The following FAAP20 variants were observed in gnomAD, a reference collection of about 807,000 sequenced individuals.
FAAP20 encodes Fanconi anemia core complex-associated protein 20.
A neutral mutation model predicts 16.2 loss-of-function variants in FAAP20; 12 were observed. That is an observed-to-expected ratio of 0.74 (90% confidence interval 0.48 to 1.20). FAAP20 has a LOEUF of 1.20. Among genes scored for constraint, FAAP20 ranks in the 50% most tolerant of loss-of-function variants. The probability of loss-of-function intolerance (pLI) is 0.00; values close to 1 mark genes in which losing one functional copy is unlikely to be tolerated. For synonymous variants in FAAP20, 141 were observed against 110.7 expected (o/e 1.27, Z -1.72); for missense variants, 288 against 245.8 (o/e 1.17, Z -1.15).
chr1:2,193,557 G>A (rs1301668569), intron 3 of FAAP20, 82 bp downstream of exon 3: 2 of 1,545,088 alleles, frequency 1.3e-6, no homozygotes, highest in African/African-American at 2.8e-5. Context: ...CGCTGAGCTC[G>A]GCCACCTCTT....
At chr1:2,188,250 TCA>T, downstream of FAAP20, among the ~76,000 whole-genome samples, 1 of 152,302 alleles carries the variant, frequency 6.6e-6, no homozygotes, top group South Asian at 2.1e-4. Flanking sequence ...TGTGCTCCAC[TCA>T]CACTGTGAGC....
chr1:2,208,497 G>A (rs1335466913), downstream of FAAP20, among the ~76,000 whole-genome samples: 1 of 152,316 alleles, frequency 6.6e-6, no homozygotes, highest in African/African-American at 2.4e-5. Flanking sequence ...TGCCTGGCCT[G>A]GAGGTGGACC....
downstream of FAAP20, among the ~76,000 whole-genome samples, chr1:2,211,996 A>T (rs530796306): frequency 2.2e-5 from 3 of 138,332 alleles, no homozygotes; most frequent in Admixed American, 2.4e-4. Flanking sequence ...TCCACCTCCC[A>T]GGTTCACACC....
At chr1:2,189,025 A>AC (rs1323161069), downstream of FAAP20, among the ~76,000 whole-genome samples, 9 of 142,672 alleles carry the variant, frequency 6.3e-5, no homozygotes, top group East Asian at 2.1e-4. Flanking sequence ...AAAAAAAAAA[A>AC]AAACAAAAAG....
At chr1:2,207,979 G>C (rs964597596), downstream of FAAP20, among the ~76,000 whole-genome samples, 4 of 151,656 alleles carry the variant, frequency 2.6e-5, no homozygotes, top group South Asian at 6.2e-4. Context: ...CATGCGTGCA[G>C]GCATGTGAGC....
chr1:2,189,628 C>CG lies in FAAP20; in HGVS notation c.*80dup, dbSNP rs1687932602. 3.4e-6 allele frequency: 4 copies of CG among 1,181,980 alleles called. No homozygotes were observed. The South Asian group carries it at 5.0e-5, about 15-fold the overall frequency. The allele number at this position is 1,181,980 out of a possible 1,614,324, so 73.2% of individuals were successfully genotyped here. A position where few individuals can be genotyped will look rare whatever the true frequency, so the allele number is the denominator to read the frequency against. ...GGGAGCCGAGAGGCGGGGCTGCTGG[C>CG]GGGGGAGCCGAGAGGCGGGGCTGCT... On this transcript the variant is annotated 3_prime_UTR_variant, in exon 4 of 4. Transcript: ENST00000378546.
At chr1:2,186,421 C>T (rs145526870), downstream of FAAP20, among the ~76,000 whole-genome samples, 320 of 152,186 alleles carry the variant, frequency 2.1e-3, 1 homozygote, top group South Asian at 6.8e-3. Context: ...ACCCAAGCCC[C>T]AGGTGCCAGG....
chr1:2,210,049 G>A (rs577800223), downstream of FAAP20, among the ~76,000 whole-genome samples: 3 of 152,310 alleles, frequency 2.0e-5, no homozygotes, highest in South Asian at 2.1e-4. Flanking sequence ...GTCCTGAGGG[G>A]AGCTGGGGGA....
chr1:2,188,573 T>A (rs1426640806), downstream of FAAP20, among the ~76,000 whole-genome samples: 2 of 152,250 alleles, frequency 1.3e-5, no homozygotes, highest in Middle Eastern at 3.4e-3. Flanking sequence ...CGCCCCGACC[T>A]CCTGTCCTGG....
upstream of FAAP20, among the ~76,000 whole-genome samples, chr1:2,202,293 G>A (rs910616616): frequency 4.6e-5 from 7 of 152,078 alleles, no homozygotes; most frequent in African/African-American, 1.4e-4. Flanking sequence ...ATGTGCCACC[G>A]GACCCCATCA....
intron 1 of FAAP20, 142 bp from the exon 2 acceptor site, chr1:2,194,275 A>T: frequency 7.0e-6 from 5 of 719,010 alleles, no homozygotes; most frequent in Non-Finnish European, 8.9e-6. Flanking sequence ...GGTGGCCGGC[A>T]GGGTTGGGGG....
intron 3 of FAAP20, chr1:2,192,133 C>A (rs528999351): frequency 1.0e-6 from 1 of 985,538 alleles, no homozygotes; most frequent in South Asian, 4.7e-5. Flanking sequence ...CCAGACCCTC[C>A]AATCCAGGCG....
upstream of FAAP20, chr1:2,199,655 C>A (rs75548669): frequency 5.1e-6 from 5 of 984,512 alleles, no homozygotes; most frequent in East Asian, 5.7e-4. The surrounding 1 kb of genome is among the most constrained non-coding windows in gnomAD (Gnocchi z 4.5). Flanking sequence ...TCCGAAGACT[C>A]ATGTCCACCA....
chr1:2,194,798 C>A, upstream of FAAP20: 2 of 1,038,432 alleles, frequency 1.9e-6, no homozygotes, highest in South Asian at 4.5e-5. Context: ...CCCCGCCCCT[C>A]CAGGCCCCGC....
chr1:2,198,232 C>A (rs1448545802), upstream of FAAP20: 1 of 1,196,988 alleles, frequency 8.4e-7, no homozygotes, highest in East Asian at 5.8e-5. Context: ...TACAAAAGAA[C>A]GTTTCAGCTG....
downstream of FAAP20, chr1:2,187,291 T>TTTTTTTC (rs1553182155): frequency 4.8e-6 from 2 of 413,160 alleles, no homozygotes; most frequent in Non-Finnish European, 9.7e-6. Flanking sequence ...TTTTCTTTTT[T>TTTTTTTC]TTTTTCTTTT....
downstream of FAAP20, chr1:2,185,361 C>T (rs1381247395): frequency 1.4e-6 from 1 of 718,598 alleles, no homozygotes. Flanking sequence ...GAGCGTGTAG[C>T]GTCCTGAGGA....
rs747402569 is a variant in FAAP20, at chr1:2,193,892, C to T, written c.217G>A (p.Glu73Lys). 1.2e-6 allele frequency: 2 copies of T among 1,612,140 alleles called. No individual in the cohort carries two copies. Among genetic ancestry groups the T allele is most frequent in the African/African-American group, 2.7e-5 (2 of 74,884 alleles). ...FPGQEPRCGPEPTEVFTVGPK... is the reference protein window; with the variant it reads ...FPGQEPRCGPKPTEVFTVGPK... ...CCGACAGTGAAGACTTCAGTGGGCT[C>T]CGGGCCGCACCTGGGCTCCTGCAAC... The change falls in exon 3 of 4, where the codon GAG becomes AAG. Residue 73 changes from glutamate (E) to lysine (K), a missense_variant. Transcript: ENST00000378546.
At position 2,193,619 on chromosome 1, in the gene FAAP20, C is replaced by T; in HGVS notation, c.470+20G>A. On this transcript the variant is annotated intron_variant, in intron 3 of 3. Transcript: ENST00000378546. ...AACACGGATGGATAACCGGGCCGGG[C>T]GCAGGGGTGGCCTACTCACCTGGGG... The T allele has an allele frequency of 6.3e-7, 1 of 1,586,602 alleles. No homozygotes were observed.
Sources: gnomAD v4.1 joint callset for allele counts (sites outside exome capture counted in the v4.1 genomes callset) on GRCh38, gnomAD v4.1.1 for gene constraint, Gnocchi (gnomAD v3.1) non-coding constraint, MANE v1.5 for transcripts, NCBI Gene and HGNC (gene_info 2026-07-23, HGNC 2026-07-21) for gene names.